The following CCSER1 variants were observed in gnomAD, a reference collection of about 807,000 sequenced individuals.
CCSER1 encodes the protein serine-rich coiled-coil domain-containing protein 1.
Under a neutral mutation model 82.0 loss-of-function variants are expected in CCSER1, and 41 were observed. The observed-to-expected ratio is 0.50, with a 90% confidence interval of 0.39 to 0.65. The LOEUF (loss-of-function observed/expected upper bound fraction) is 0.65, where lower values mean the gene tolerates loss of function less well. Among genes scored for constraint, CCSER1 ranks in the 30% least tolerant of loss-of-function variants. CCSER1 has a pLI of 0.00. For missense variants in CCSER1, 1,119 were observed against 1,064.2 expected, an observed-to-expected ratio of 1.05 and a Z score of -0.72; for synonymous variants, 414 against 383.9, an observed-to-expected ratio of 1.08 and a Z score of -0.92.
At chr4:91,336,618 G>A (rs2149282498) in intron 10 of CCSER1, among the ~76,000 whole-genome samples, 1 of 152,158 alleles carries the variant, frequency 6.6e-6, no homozygotes, top group East Asian at 1.9e-4. Context: ...TGCCTAAAAT[G>A]ATTGAAATTG....
At chr4:90,654,210 G>A (rs970143289) in intron 6 of CCSER1, among the ~76,000 whole-genome samples, 5 of 152,138 alleles carry the variant, frequency 3.3e-5, no homozygotes, top group South Asian at 2.1e-4. Flanking sequence ...ATTGAAATCC[G>A]ATTATGTGAA....
intron 6 of CCSER1, among the ~76,000 whole-genome samples, chr4:90,665,174 G>T (rs961916448): frequency 3.9e-5 from 6 of 151,944 alleles, no homozygotes; most frequent in Non-Finnish European, 8.8e-5. Flanking sequence ...TATAGTAGGG[G>T]TCCTTGCTAT....
At chr4:91,525,747 G>A (rs1443998085) in intron 10 of CCSER1, among the ~76,000 whole-genome samples, 1 of 151,946 alleles carries the variant, frequency 6.6e-6, no homozygotes, top group African/African-American at 2.4e-5. Context: ...TCTTACCTAT[G>A]CTTCTTCTTA....
chr4:91,349,761 G>A (rs1328357498), intron 10 of CCSER1, among the ~76,000 whole-genome samples: 1 of 144,468 alleles, frequency 6.9e-6, no homozygotes, highest in Non-Finnish European at 1.5e-5. Flanking sequence ...GGCTGTAGGA[G>A]GTACATTTCA....
At chr4:91,163,935 G>A (rs532028166) in intron 10 of CCSER1, among the ~76,000 whole-genome samples, 2 of 152,074 alleles carry the variant, frequency 1.3e-5, no homozygotes, top group Admixed American at 6.6e-5. Flanking sequence ...TTACATTTAA[G>A]GTTAATATTG....
At chr4:91,020,384 C>T (rs1462657453) in intron 9 of CCSER1, among the ~76,000 whole-genome samples, 12 of 152,046 alleles carry the variant, frequency 7.9e-5, no homozygotes, top group Non-Finnish European at 1.2e-4. Flanking sequence ...ATACCTTGGC[C>T]GGGTGCGGTG....
intron 6 of CCSER1, among the ~76,000 whole-genome samples, chr4:90,716,857 T>G (rs1309078671): frequency 6.6e-6 from 1 of 152,166 alleles, no homozygotes; most frequent in African/African-American, 2.4e-5. Flanking sequence ...TGAGACATAA[T>G]GCTTACATAT....
intron 10 of CCSER1, among the ~76,000 whole-genome samples, chr4:91,153,306 TCTTGAAG>T (rs1730447719): frequency 1.3e-5 from 2 of 151,960 alleles, no homozygotes; most frequent in Admixed American, 1.3e-4. Flanking sequence ...TCGAATCGGC[TCTTGAAG>T]CTTGTGCATG....
chr4:90,549,428 T>C (rs1180625326), intron 5 of CCSER1, among the ~76,000 whole-genome samples: 2 of 151,746 alleles, frequency 1.3e-5, no homozygotes, highest in Non-Finnish European at 2.9e-5. Flanking sequence ...CAGAAGGGGA[T>C]TGCTTTAAGC....
chr4:91,588,615 G>A (rs1479317373), intron 10 of CCSER1, among the ~76,000 whole-genome samples: 1 of 151,540 alleles, frequency 6.6e-6, no homozygotes, highest in East Asian at 1.9e-4. Context: ...ATATATGTTA[G>A]CAGTATTCTT....
intron 1 of CCSER1, among the ~76,000 whole-genome samples, chr4:90,220,495 A>C (rs1187578968): frequency 3.3e-5 from 5 of 150,552 alleles, no homozygotes; most frequent in African/African-American, 1.2e-4. Context: ...TTAAGCTATC[A>C]CTCTTAGATT....
intron 1 of CCSER1, among the ~76,000 whole-genome samples, chr4:90,305,332 T>C (rs1734065982): frequency 6.6e-6 from 1 of 152,220 alleles, no homozygotes; most frequent in Non-Finnish European, 1.5e-5. Flanking sequence ...TTGACATTCA[T>C]GCATTGAAGT....
At chr4:90,234,626 T>A (rs1396328414) in intron 1 of CCSER1, among the ~76,000 whole-genome samples, 1 of 152,202 alleles carries the variant, frequency 6.6e-6, no homozygotes, top group South Asian at 2.1e-4. Context: ...AGTTGCCCTC[T>A]ACATTTTTCA....
At chr4:90,710,944 G>T (rs1740487756) in intron 6 of CCSER1, among the ~76,000 whole-genome samples, 1 of 152,034 alleles carries the variant, frequency 6.6e-6, no homozygotes, top group East Asian at 1.9e-4. Context: ...AGATGATACT[G>T]ATTCTTCTTA....
chr4:90,208,700 C>A (rs2153412498), intron 1 of CCSER1, among the ~76,000 whole-genome samples: 1 of 152,208 alleles, frequency 6.6e-6, no homozygotes, highest in African/African-American at 2.4e-5. Flanking sequence ...AGTATCTGGG[C>A]CAGAATGCAC....
At chr4:90,783,689 TCA>T (rs1754105550) in intron 7 of CCSER1, among the ~76,000 whole-genome samples, 1 of 152,212 alleles carries the variant, frequency 6.6e-6, no homozygotes, top group South Asian at 2.1e-4. Context: ...AATATTTATC[TCA>T]CCAAGGAGAA....
chr4:91,573,186 G>T (rs1050421674), intron 10 of CCSER1, among the ~76,000 whole-genome samples: 1 of 152,176 alleles, frequency 6.6e-6, no homozygotes, highest in Non-Finnish European at 1.5e-5. Flanking sequence ...AAACCTGAAG[G>T]CTGGATTGGC....
chr4:91,225,324 GTATATATAT>G, intron 10 of CCSER1, among the ~76,000 whole-genome samples: 1 of 118,778 alleles, frequency 8.4e-6, no homozygotes, highest in East Asian at 2.4e-4. Flanking sequence ...TAATATATAT[GTATATATAT>G]TATATATGTA....
chr4:91,237,451 G>A (rs987587996), intron 10 of CCSER1, among the ~76,000 whole-genome samples: 1 of 151,442 alleles, frequency 6.6e-6, no homozygotes, highest in Non-Finnish European at 1.5e-5. Flanking sequence ...CCCCATGCAA[G>A]TCCTGTCCTG....
Sources: allele counts gnomAD v4.1 joint callset (sites outside exome capture counted in the v4.1 genomes callset), GRCh38; gene constraint gnomAD v4.1.1; transcripts MANE v1.5; gene names NCBI Gene and HGNC (gene_info 2026-07-23, HGNC 2026-07-21).